Variants in CTNNA2 observed in about 807,000 individuals in gnomAD.
CTNNA2 encodes catenin alpha-2.
A neutral mutation model predicts 101.0 loss-of-function variants in CTNNA2; 42 were observed. The ratio of observed to expected loss-of-function variants is 0.42; its 90% CI spans 0.32 to 0.54. The LOEUF (loss-of-function observed/expected upper bound fraction) is 0.54, where lower values mean the gene tolerates loss of function less well. Ranked by LOEUF, CTNNA2 falls within the 20% of genes least tolerant of loss-of-function variation. The pLI is 0.14. For missense variants in CTNNA2, 871 were observed against 1,223.1 expected (o/e 0.71, Z 4.29); for synonymous variants, 450 against 456.4 (o/e 0.99, Z 0.18).
At chr2:80,636,227 G>A (rs143547209) in intron 18 of CTNNA2, among the ~76,000 whole-genome samples, 4 of 152,198 alleles carry the variant, frequency 2.6e-5, no homozygotes, top group African/African-American at 9.6e-5. Context: ...ATGTAGATTC[G>A]AAACTGGGAA....
At chr2:79,354,631 A>T (rs1677465495) in intron 3 of CTNNA2, among the ~76,000 whole-genome samples, 1 of 151,966 alleles carries the variant, frequency 6.6e-6, no homozygotes, top group African/African-American at 2.4e-5. Flanking sequence ...CATCTTATTG[A>T]GCTCCAGCTG....
At chr2:79,413,301 T>C (rs1383114948) in intron 4 of CTNNA2, among the ~76,000 whole-genome samples, 1 of 152,096 alleles carries the variant, frequency 6.6e-6, no homozygotes, top group African/African-American at 2.4e-5. Context: ...AGTGAGATCA[T>C]GCAGTATTTA....
At chr2:80,097,105 T>G (rs1021946609) in intron 7 of CTNNA2, among the ~76,000 whole-genome samples, 3 of 152,222 alleles carry the variant, frequency 2.0e-5, no homozygotes, top group African/African-American at 7.2e-5. Context: ...CTAGCCTTGA[T>G]GGTCTTTACA....
chr2:80,393,070 A>G, intron 7 of CTNNA2, 141 bp from the exon 8 acceptor site: 1 of 574,962 alleles, frequency 1.7e-6, no homozygotes, highest in Non-Finnish European at 3.0e-6. Flanking sequence ...AGACCAAATC[A>G]TGTTATAGTT....
intron 4 of CTNNA2, among the ~76,000 whole-genome samples, chr2:79,485,386 A>T (rs1290277396): frequency 6.6e-6 from 1 of 152,220 alleles, no homozygotes; most frequent in East Asian, 1.9e-4. Flanking sequence ...ACTCATGCTT[A>T]ACAAAAATGT....
At chr2:79,475,062 A>C (rs768712982) in intron 4 of CTNNA2, among the ~76,000 whole-genome samples, 1 of 152,064 alleles carries the variant, frequency 6.6e-6, no homozygotes, top group Non-Finnish European at 1.5e-5. Context: ...ATAGAACAAA[A>C]GTTATCTCTA....
intron 7 of CTNNA2, among the ~76,000 whole-genome samples, chr2:80,248,385 T>C (rs541263162): frequency 2.6e-4 from 39 of 152,350 alleles, no homozygotes; most frequent in Admixed American, 9.2e-4. Context: ...GTTATTTGTC[T>C]GTTGGGCAGG....
chr2:79,743,345 AATAC>A (rs1455549181), intron 2 of CTNNA2, among the ~76,000 whole-genome samples: 1 of 152,156 alleles, frequency 6.6e-6, no homozygotes, highest in Non-Finnish European at 1.5e-5. Flanking sequence ...TAGCAAATTA[AATAC>A]CTCTAGATAT....
At chr2:79,654,390 TC>T (rs1558806914) in intron 2 of CTNNA2, among the ~76,000 whole-genome samples, 1 of 152,162 alleles carries the variant, frequency 6.6e-6, no homozygotes, top group Non-Finnish European at 1.5e-5. Context: ...TAGGGAGGCA[TC>T]TAGTTCCTTG....
intron 9 of CTNNA2, among the ~76,000 whole-genome samples, chr2:80,443,421 A>G (rs1323669408): frequency 6.6e-6 from 1 of 152,164 alleles, no homozygotes. Context: ...TGAGCTCAGC[A>G]TTGAAGGGGA....
chr2:79,558,968 C>G (rs545925814), intron 1 of CTNNA2, among the ~76,000 whole-genome samples: 9 of 151,964 alleles, frequency 5.9e-5, no homozygotes, highest in African/African-American at 2.2e-4. Context: ...CATCCCATCA[C>G]TCTTTCTCTC....
At chr2:80,095,354 C>A (rs1479879947) in intron 7 of CTNNA2, among the ~76,000 whole-genome samples, 145 of 152,240 alleles carry the variant, frequency 9.5e-4, no homozygotes, top group Non-Finnish European at 1.8e-3. Flanking sequence ...GGATGAAGCC[C>A]ACTTGATCAT....
At chr2:79,372,393 G>A (rs934610580) in intron 3 of CTNNA2, among the ~76,000 whole-genome samples, 1 of 152,142 alleles carries the variant, frequency 6.6e-6, no homozygotes, top group African/African-American at 2.4e-5. Flanking sequence ...CAGAAAATGA[G>A]TCTGCAGGAA....
intron 7 of CTNNA2, among the ~76,000 whole-genome samples, chr2:80,260,843 AG>A (rs1672553731): frequency 6.6e-6 from 1 of 152,226 alleles, no homozygotes; most frequent in African/African-American, 2.4e-5. Flanking sequence ...TAAGCATTTG[AG>A]GATGTATTCT....
chr2:79,771,671 A>C (rs981410266), intron 3 of CTNNA2, among the ~76,000 whole-genome samples: 60 of 152,204 alleles, frequency 3.9e-4, no homozygotes, highest in African/African-American at 1.4e-3. Context: ...CACTGATCTG[A>C]CAGGAGGCGG....
intron 3 of CTNNA2, among the ~76,000 whole-genome samples, chr2:79,350,801 T>C (rs960204803): frequency 2.0e-5 from 3 of 152,208 alleles, no homozygotes; most frequent in African/African-American, 7.2e-5. Flanking sequence ...CAACATCTGT[T>C]GTTTTTTGAC....
intron 4 of CTNNA2, among the ~76,000 whole-genome samples, chr2:79,494,612 A>C (rs1179463624): frequency 6.6e-6 from 1 of 152,214 alleles, no homozygotes; most frequent in Non-Finnish European, 1.5e-5. Flanking sequence ...CATGCCAAAG[A>C]AAGAATTTGT....
At chr2:80,638,862 AGTG>A (rs1354557735) in intron 18 of CTNNA2, among the ~76,000 whole-genome samples, 1 of 152,224 alleles carries the variant, frequency 6.6e-6, no homozygotes, top group African/African-American at 2.4e-5. Flanking sequence ...CAAAGAGCCA[AGTG>A]GTAAATTCCT....
chr2:80,023,883 C>A (rs890229405), intron 7 of CTNNA2, among the ~76,000 whole-genome samples: 1 of 151,298 alleles, frequency 6.6e-6, no homozygotes, highest in East Asian at 2.0e-4. Flanking sequence ...GTCAGGAGAT[C>A]GAGACCATCC....
Sources: allele counts gnomAD v4.1 joint callset (sites outside exome capture counted in the v4.1 genomes callset), GRCh38; gene constraint gnomAD v4.1.1; transcripts MANE v1.5; gene names NCBI Gene and HGNC (gene_info 2026-07-23, HGNC 2026-07-21).